KHDRBS2: variants seen among roughly 807,000 people sequenced by gnomAD.
KHDRBS2 encodes the protein KH domain-containing, RNA-binding, signal transduction-associated protein 2.
A neutral mutation model predicts 44.3 loss-of-function variants in KHDRBS2; 26 were observed. The observed-to-expected ratio is 0.59, with a 90% confidence interval of 0.43 to 0.81. The LOEUF is 0.81. KHDRBS2 is among the 40% of genes least tolerant of loss of function. KHDRBS2 has a pLI of 0.00. For synonymous variants in KHDRBS2, 194 were observed against 151.1 expected, an observed-to-expected ratio of 1.28 and a Z score of -2.08; for missense variants, 476 against 433.1, an observed-to-expected ratio of 1.10 and a Z score of -0.88.
the KHDRBS2 span, among the ~76,000 whole-genome samples, chr6:61,596,592 G>A: frequency 8.8e-4 from 133 of 151,918 alleles, no homozygotes; most frequent in African/African-American, 3.0e-3. Context: ...CTGTTTTATT[G>A]CTCTAAGTAG....
chr6:62,174,322 A>C (rs182905860), intron 2 of KHDRBS2, among the ~76,000 whole-genome samples: 1 of 151,650 alleles, frequency 6.6e-6, no homozygotes, highest in Non-Finnish European at 1.5e-5. Context: ...GCCATAAAAA[A>C]ACTAGAAATA....
In KHDRBS2 at chr6:61,843,645, G is replaced by A. The variant is rs557360496; in HGVS notation, c.810+50990C>T. ...CTCCCAAAGTGCTGGGATTACAGGC[G>A]TGAGCCACTGCACCCAGCCTATTTA... On this transcript the variant is annotated intron_variant, in intron 6 of 8. Transcript: ENST00000281156. Among the ~76,000 whole-genome samples, 6 of 152,068 alleles carry A rather than the reference G, an allele frequency of 3.9e-5. 1 individual carries two copies. The highest frequency in any genetic ancestry group is 1.2e-4 in the African/African-American group (5 of 41,514).
At chr6:62,220,328 G>A (rs1014532850) in intron 1 of KHDRBS2, among the ~76,000 whole-genome samples, 1 of 151,764 alleles carries the variant, frequency 6.6e-6, no homozygotes, top group African/African-American at 2.4e-5. Context: ...TAGATGAAAG[G>A]ACAAAGCACA....
chr6:61,876,465 C>G lies in KHDRBS2; in HGVS notation c.810+18170G>C, dbSNP rs532368560. On this transcript the variant is annotated intron_variant, in intron 6 of 8. Coordinates refer to ENST00000281156, the MANE Select transcript of KHDRBS2 (RefSeq NM_152688.4). ...AGAATTTATCATCAGAAGTAGGTAG[C>G]TTTATAGAATATTGGTATTAGTGTA... Among the ~76,000 whole-genome samples the G allele has an allele frequency of 2.0e-5, 3 of 151,456 alleles. No individual in the cohort carries two copies. In the South Asian group the frequency reaches 6.3e-4, roughly 32 times the overall value.
intron 6 of KHDRBS2, among the ~76,000 whole-genome samples, chr6:61,748,870 T>A (rs1777226970): frequency 6.6e-6 from 1 of 152,148 alleles, no homozygotes; most frequent in Non-Finnish European, 1.5e-5. Flanking sequence ...CCCTGTGCTA[T>A]CCAATATGAT....
intron 1 of KHDRBS2, among the ~76,000 whole-genome samples, chr6:62,254,370 A>G (rs1339604937): frequency 6.6e-6 from 1 of 152,062 alleles, no homozygotes; most frequent in Admixed American, 6.6e-5. Flanking sequence ...GAGACAGGCG[A>G]TAAGATATGC....
intron 6 of KHDRBS2, among the ~76,000 whole-genome samples, chr6:61,812,484 A>T (rs530707564): frequency 6.6e-5 from 10 of 152,134 alleles, no homozygotes; most frequent in Non-Finnish European, 1.5e-4. Flanking sequence ...ACTAAAACTT[A>T]TAAATATTAA....
chr6:61,671,417 T>A, the KHDRBS2 span, among the ~76,000 whole-genome samples: 3,734 of 151,786 alleles, frequency 0.025, 73 homozygotes, highest in Middle Eastern at 0.082. Flanking sequence ...TTAGGGCAAC[T>A]GGTAGTATAT....
intron 2 of KHDRBS2, among the ~76,000 whole-genome samples, chr6:62,090,222 A>C (rs377214870): frequency 6.6e-6 from 1 of 152,214 alleles, no homozygotes; most frequent in South Asian, 2.1e-4. Context: ...TGGCTCCTTC[A>C]CCATACTAAA....
chr6:62,239,616 T>A (rs1215395418), intron 1 of KHDRBS2, among the ~76,000 whole-genome samples: 1 of 151,934 alleles, frequency 6.6e-6, no homozygotes, highest in Non-Finnish European at 1.5e-5. Context: ...ACAAGTGTGC[T>A]TTTGGGGGGA....
At chr6:61,648,310 A>G in the KHDRBS2 span, among the ~76,000 whole-genome samples, 2 of 152,086 alleles carry the variant, frequency 1.3e-5, no homozygotes, top group Admixed American at 6.6e-5. Context: ...TCAATATCCT[A>G]ATGTCTTTGT....
chr6:62,187,593 T>C (rs1273689390), intron 1 of KHDRBS2, among the ~76,000 whole-genome samples: 1 of 152,184 alleles, frequency 6.6e-6, no homozygotes, highest in Non-Finnish European at 1.5e-5. Flanking sequence ...TTTTAACATA[T>C]GCATACAGCC....
At chr6:62,017,713 C>T (rs1372035579) in intron 3 of KHDRBS2, among the ~76,000 whole-genome samples, 2 of 151,964 alleles carry the variant, frequency 1.3e-5, no homozygotes, top group African/African-American at 4.8e-5. Context: ...AGATCTAGAG[C>T]TAAACTGCTC....
intron 7 of KHDRBS2, among the ~76,000 whole-genome samples, chr6:61,701,645 C>T (rs1768691590): frequency 6.6e-6 from 1 of 151,878 alleles, no homozygotes; most frequent in Non-Finnish European, 1.5e-5. Flanking sequence ...GCTTAACTCC[C>T]AGAAAAGAGA....
At chr6:62,231,360 G>A (rs1357641126) in intron 1 of KHDRBS2, among the ~76,000 whole-genome samples, 3 of 152,182 alleles carry the variant, frequency 2.0e-5, no homozygotes, top group Non-Finnish European at 4.4e-5. Context: ...GCAGGAGAGA[G>A]AAGTTCGAGC....
At chr6:62,234,731 C>A (rs1833431043) in intron 1 of KHDRBS2, among the ~76,000 whole-genome samples, 1 of 151,814 alleles carries the variant, frequency 6.6e-6, no homozygotes, top group South Asian at 2.1e-4. Context: ...TGAATGGTGA[C>A]CATAGGAGTA....
chr6:61,819,538 G>C (rs1228549376), intron 6 of KHDRBS2, among the ~76,000 whole-genome samples: 3 of 151,768 alleles, frequency 2.0e-5, no homozygotes, highest in Non-Finnish European at 4.4e-5. Flanking sequence ...TCGGCATTTT[G>C]TTGCTTGTTT....
chr6:61,962,000 T>C (rs1000338350), intron 4 of KHDRBS2, among the ~76,000 whole-genome samples: 2 of 151,676 alleles, frequency 1.3e-5, no homozygotes, highest in Non-Finnish European at 2.9e-5. Flanking sequence ...ACACATATAA[T>C]AGAGAACCAA....
At chr6:62,064,779 A>T (rs1187872319) in intron 2 of KHDRBS2, among the ~76,000 whole-genome samples, 2 of 152,042 alleles carry the variant, frequency 1.3e-5, no homozygotes, top group African/African-American at 2.4e-5. Context: ...AAATTGACAA[A>T]TGGGATCTAA....
Sources: allele counts gnomAD v4.1 joint callset (sites outside exome capture counted in the v4.1 genomes callset), GRCh38; gene constraint gnomAD v4.1.1; transcripts MANE v1.5; gene names NCBI Gene and HGNC (gene_info 2026-07-23, HGNC 2026-07-21).